Variants in ANGPT2 observed in about 807,000 individuals in gnomAD.
ANGPT2 encodes the protein angiopoietin-2.
ANGPT2 carries 28 observed loss-of-function variants against 62.9 expected under a neutral mutation model. The ratio of observed to expected loss-of-function variants is 0.44; its 90% CI spans 0.33 to 0.61. The LOEUF is 0.61. Ranked by LOEUF, ANGPT2 falls within the 20% of genes least tolerant of loss-of-function variation. ANGPT2 has a pLI of 0.03. For missense variants in ANGPT2, 727 were observed against 594.9 expected, an observed-to-expected ratio of 1.22 and a Z score of -2.31; for synonymous variants, 284 against 207.8, an observed-to-expected ratio of 1.37 and a Z score of -3.15.
intron 3 of ANGPT2, among the ~76,000 whole-genome samples, chr8:6,526,546 A>G (rs1048632929): frequency 2.0e-5 from 3 of 152,248 alleles, no homozygotes; most frequent in African/African-American, 7.2e-5. Flanking sequence ...CATGAAAGAA[A>G]AATATTTGAA....
chr8:6,541,142 A>G (rs940962383), intron 1 of ANGPT2, among the ~76,000 whole-genome samples: 2 of 152,234 alleles, frequency 1.3e-5, no homozygotes, highest in Admixed American at 6.5e-5. Context: ...AGATGTCCTG[A>G]AGAGCAAGTT....
At chr8:6,521,725 GAAGA>G (rs1432315591) in intron 3 of ANGPT2, among the ~76,000 whole-genome samples, 1 of 152,232 alleles carries the variant, frequency 6.6e-6, no homozygotes, top group Non-Finnish European at 1.5e-5. Context: ...GCAGCGCTCA[GAAGA>G]AAGGTGCTGC....
intron 3 of ANGPT2, among the ~76,000 whole-genome samples, chr8:6,523,043 A>G (rs3020222): frequency 0.075 from 11,427 of 151,578 alleles, 516 homozygotes; most frequent in African/African-American, 0.12. Context: ...TGTCACCCAG[A>G]CTGGAGTGCA....
At chr8:6,562,552 C>CTTTTTGTTTTTTTTTTTTTTTTT (rs1825702942) in intron 1 of ANGPT2, 95 bp downstream of exon 1, 1 of 71,748 alleles carries the variant, frequency 1.4e-5, no homozygotes, top group Non-Finnish European at 2.6e-5. Context: ...CATCCTCCTT[C>CTTTTTGTTTTTTTTTTTTTTTTT]TTTTTTTTTT....
At chr8:6,505,264 A>ATG (rs1182068726) in intron 8 of ANGPT2, among the ~76,000 whole-genome samples, 4,495 of 112,774 alleles carry the variant, frequency 0.04, 881 homozygotes, top group African/African-American at 0.11. Context: ...TATATGTTTT[A>ATG]TATATATGTA....
intron 3 of ANGPT2, among the ~76,000 whole-genome samples, chr8:6,522,363 AG>A (rs1233585481): frequency 2.0e-5 from 3 of 149,824 alleles, no homozygotes; most frequent in Non-Finnish European, 4.4e-5. Context: ...TCAAAAAAAA[AG>A]AAAAAAAAAT....
At chr8:6,528,555 A>G (rs1818815381) in intron 2 of ANGPT2, among the ~76,000 whole-genome samples, 1 of 152,254 alleles carries the variant, frequency 6.6e-6, no homozygotes, top group South Asian at 2.1e-4. Context: ...TCGAAGCCGT[A>G]TAGCGTGAGT....
chr8:6,518,317 A>G (rs1028591769), intron 5 of ANGPT2, among the ~76,000 whole-genome samples: 6 of 152,364 alleles, frequency 3.9e-5, no homozygotes, highest in Non-Finnish European at 5.9e-5. Context: ...CATGAAAACC[A>G]GATAGCAAAA....
chr8:6,549,685 G>A (rs922615702), intron 1 of ANGPT2, among the ~76,000 whole-genome samples: 1 of 139,088 alleles, frequency 7.2e-6, no homozygotes, highest in Non-Finnish European at 1.5e-5. Flanking sequence ...GAAGCCTTCC[G>A]TATCGAGCTG....
chr8:6,542,436 C>T (rs1186756445), intron 1 of ANGPT2, among the ~76,000 whole-genome samples: 2 of 151,880 alleles, frequency 1.3e-5, no homozygotes, highest in Admixed American at 6.6e-5. Context: ...TGGGCAATGG[C>T]GGGAGGCTTT....
chr8:6,521,047 A>C (rs1448392245), intron 4 of ANGPT2, 131 bp downstream of exon 4: 12 of 649,022 alleles, frequency 1.8e-5, no homozygotes, highest in African/African-American at 3.7e-5. Flanking sequence ...CTTCATTTTA[A>C]TTGGTAGATA....
chr8:6,550,506 A>C (rs1461388703), intron 1 of ANGPT2, among the ~76,000 whole-genome samples: 3 of 152,170 alleles, frequency 2.0e-5, no homozygotes, highest in Admixed American at 6.5e-5. Context: ...GGTATGTGCC[A>C]AAACTGGCCT....
intron 1 of ANGPT2, among the ~76,000 whole-genome samples, chr8:6,553,199 G>A (rs1415599336): frequency 6.6e-6 from 1 of 152,160 alleles, no homozygotes; most frequent in South Asian, 2.1e-4. Flanking sequence ...TGTGTGCCAC[G>A]GAGGGGGGAT....
intron 8 of ANGPT2, among the ~76,000 whole-genome samples, chr8:6,504,163 A>G (rs1018068398): frequency 1.3e-5 from 2 of 151,830 alleles, no homozygotes; most frequent in African/African-American, 2.4e-5. Context: ...CTAAAAATAC[A>G]AAAAATTAGC....
At chr8:6,530,184 A>G (rs1283113372) in intron 2 of ANGPT2, among the ~76,000 whole-genome samples, 1 of 152,062 alleles carries the variant, frequency 6.6e-6, no homozygotes, top group Non-Finnish European at 1.5e-5. Flanking sequence ...TTACTAATTT[A>G]TTTTAATAGG....
Position 6,532,393 on chromosome 8 carries a change from C to A in ANGPT2, c.383G>T (p.Gly128Val). 6.2e-7 allele frequency: 1 copy of A among 1,614,046 alleles called. No homozygotes were observed. Among genetic ancestry groups the A allele is most frequent in the Non-Finnish European group, 8.5e-7 (1 of 1,180,016 alleles). The stretch of plus-strand genomic sequence containing the variant: ...CGCTGTTTGGTTCAACAGGTTTGTC[C>A]CTATTTCTATCATCACAGCCGTCTG... ...QNQTAVMIEI[G>V]TNLLNQTAEQ... Residue 128 changes from glycine to valine, a missense_variant, in exon 2 of 9, where the codon GGG becomes GTG. By Grantham distance (109) the Gly-to-Val change is moderately radical. Coordinates refer to ENST00000629816, the MANE Select transcript of ANGPT2 (RefSeq NM_001118887.2).
intron 4 of ANGPT2, among the ~76,000 whole-genome samples, chr8:6,520,665 C>G (rs2515441): frequency 0.42 from 63,932 of 152,040 alleles, 13,660 homozygotes; most frequent in Middle Eastern, 0.52. Flanking sequence ...CAAAGTGCTG[C>G]AATTAGAGGC....
chr8:6,513,733 C>G lies in ANGPT2; in HGVS notation c.1141G>C (p.Glu381Gln). ...KIHLKDWEGNEAYSLYEHFYL... is the reference protein window; with the variant it reads ...KIHLKDWEGNQAYSLYEHFYL... ...AAATGTTCATACAATGAGTAAGCCT[C>G]ATTCCCTTCCCAGTCTTTAAGGTGT... Residue 381 changes from glutamate (E) to glutamine (Q), a missense_variant, in exon 7 of 9, where the codon GAG (glutamate) becomes CAG (glutamine). By Grantham distance (29) the Glu-to-Gln change is conservative. Coordinates refer to ENST00000629816, the MANE Select transcript of ANGPT2 (RefSeq NM_001118887.2). 6.2e-7 allele frequency: 1 copy of G among 1,614,086 alleles called. No individual in the cohort carries two copies. Among genetic ancestry groups the G allele is most frequent in the Non-Finnish European group, 8.5e-7 (1 of 1,179,998 alleles).
At chr8:6,514,566 C>T (rs1259029671) in intron 6 of ANGPT2, 111 bp downstream of exon 6, 1 of 929,992 alleles carries the variant, frequency 1.1e-6, no homozygotes, top group Non-Finnish European at 1.7e-6. Context: ...TTTTAAAAAC[C>T]ATGTCAAAAG....
Sources: gnomAD v4.1 joint callset for allele counts (sites outside exome capture counted in the v4.1 genomes callset) on GRCh38, gnomAD v4.1.1 for gene constraint, MANE v1.5 for transcripts, NCBI Gene and HGNC (gene_info 2026-07-23, HGNC 2026-07-21) for gene names.